The following VPS9D1 variants were observed in gnomAD, a reference collection of about 807,000 sequenced individuals.
VPS9D1 encodes VPS9 domain-containing protein 1.
In VPS9D1, 78 loss-of-function variants were observed where a neutral mutation model predicts 75.8. The observed-to-expected ratio is 1.03, with a 90% CI of 0.86 to 1.24. The LOEUF is 1.24. Among genes scored for constraint, VPS9D1 ranks in the 50% most tolerant of loss-of-function variants. The probability of loss-of-function intolerance (pLI) is 0.00; values close to 1 mark genes in which losing one functional copy is unlikely to be tolerated. For missense variants in VPS9D1, 1,057 were observed against 847.7 expected, an observed-to-expected ratio of 1.25 and a Z score of -3.07; for synonymous variants, 481 against 385.6, an observed-to-expected ratio of 1.25 and a Z score of -2.90.
chr16:89,708,522 A>G lies in VPS9D1; in HGVS notation c.1707T>C (p.Asp569=). 1 of 1,612,930 alleles carries G rather than the reference A, an allele frequency of 6.2e-7. No homozygotes were observed. Among genetic ancestry groups the G allele is most frequent in the Non-Finnish European group, 8.5e-7 (1 of 1,179,830 alleles). ...CGAAGGACAGGATGGGCAGCAGGTC[A>G]TCGGCACCACTGTCGGGAGGGCATA... ...PPIAAAAIGA[D]DLLPILSFVV... The change falls in exon 14 of 15, where the codon GAT becomes GAC. Residue 569 remains aspartate, a synonymous_variant. Coordinates refer to ENST00000389386, the MANE Select transcript of VPS9D1 (RefSeq NM_004913.3).
At chr16:89,712,301 G>C in intron 6 of VPS9D1, 159 bp downstream of exon 6, 2 of 1,336,974 alleles carry the variant, frequency 1.5e-6, no homozygotes, top group Non-Finnish European at 2.0e-6. Flanking sequence ...CGGCGGCCGG[G>C]CCTTCCCCTG....
intron 10 of VPS9D1, 90 bp downstream of exon 10, chr16:89,710,496 A>G (rs2060889881): frequency 1.4e-6 from 2 of 1,407,910 alleles, no homozygotes; most frequent in Non-Finnish European, 9.5e-7. Context: ...TCTCTGATCA[A>G]CAGACCCTTC....
Position 89,716,566 on chromosome 16 carries a change from G to C in VPS9D1, c.327C>G (p.Gly109=). Residue 109 remains glycine, a synonymous_variant, in exon 4 of 15, where the codon GGC becomes GGG. Transcript: ENST00000389386. ...CATCGGAGTATACACGGCGGTGTCG[G>C]CCGGCAGGCTGGGGAATGGGAGCAG... ...PAAAPIPQPA[G]RHRRVYSDEG... 6.2e-7 allele frequency: 1 copy of C among 1,614,010 alleles called. No homozygotes were observed. The highest frequency in any genetic ancestry group is 8.5e-7 in the Non-Finnish European group (1 of 1,179,954).
At position 89,712,528 on chromosome 16, in the gene VPS9D1, G is replaced by T. The variant is rs188589864; in HGVS notation, c.544-6C>A. 5 of 1,612,180 alleles carry T rather than the reference G, an allele frequency of 3.1e-6. No individual in the cohort carries two copies. The highest frequency in any genetic ancestry group is 3.4e-6 in the Non-Finnish European group (4 of 1,179,852). ...TGCCGCTGTAGAGAGAGGGTCTGGGGGGGGAGGAGGGAGTAAGGCCGACTC... is the reference window on the plus strand; with the variant it reads ...TGCCGCTGTAGAGAGAGGGTCTGGGTGGGGAGGAGGGAGTAAGGCCGACTC... On this transcript the variant is annotated splice_polypyrimidine_tract_variant and splice_region_variant and intron_variant, in intron 5 of 14. Transcript: ENST00000389386.
intron 6 of VPS9D1, 143 bp from the exon 7 acceptor site, chr16:89,712,242 A>C: frequency 7.3e-7 from 1 of 1,376,100 alleles, no homozygotes; most frequent in East Asian, 2.5e-5. Context: ...CTGGGGCAGA[A>C]GGCAGCCTGC....
At chr16:89,717,518 T>C (rs1299361859) in intron 2 of VPS9D1, 1 of 455,098 alleles carries the variant, frequency 2.2e-6, no homozygotes, top group Non-Finnish European at 4.4e-6. Context: ...GAGCTGCCTC[T>C]CTGTGACTCG....
In VPS9D1 at chr16:89,709,431, C is replaced by T. The variant is rs187086089; in HGVS notation, c.1393G>A (p.Val465Met). The T allele has an allele frequency of 8.6e-6, 13 of 1,512,654 alleles. No individual in the cohort carries two copies. Among genetic ancestry groups the T allele is most frequent in the East Asian group, 4.5e-5 (2 of 44,084 alleles). The allele number at this position is 1,512,654 out of a possible 1,614,324, so 93.7% of individuals were successfully genotyped here. Reference protein sequence around the residue: ...WPLLLALYRSVHRAREAALSR... With the variant: ...WPLLLALYRSMHRAREAALSR... ...AGGGCAGCCTCCCGGGCTCGGTGCA[C>T]GCTCCTGGGGCAGAGAGAGGCCAGG... Residue 465 changes from valine to methionine, a missense_variant, in exon 12 of 15, where the codon GTG becomes ATG. Coordinates refer to ENST00000389386, the MANE Select transcript of VPS9D1 (RefSeq NM_004913.3).
At chr16:89,716,347 CAG>C in intron 4 of VPS9D1, 113 bp downstream of exon 4, 1 of 1,481,652 alleles carries the variant, frequency 6.7e-7, no homozygotes, top group Non-Finnish European at 9.2e-7. Flanking sequence ...GCCTGGGTGA[CAG>C]AGTGAGACTC....
At position 89,713,932 on chromosome 16, in the gene VPS9D1, GT is replaced by G. The variant is rs565607937; in HGVS notation, c.432-1217del. ...GACTCTGTCTCAAAAAATCACTGAG[GT>G]TTTTTTGCAAAATTTTTTTTTTTGA... is the stretch of plus-strand genomic sequence containing the variant. On this transcript the variant is annotated intron_variant, in intron 4 of 14. Coordinates refer to ENST00000389386, the MANE Select transcript of VPS9D1 (RefSeq NM_004913.3). Among the ~76,000 whole-genome samples, 826 of 151,906 alleles carry G rather than the reference GT, an allele frequency of 5.4e-3. 4 individuals are homozygous for G. Among genetic ancestry groups the G allele is most frequent in the South Asian group, 0.039 (188 of 4,806 alleles).
In VPS9D1 at chr16:89,712,731, A is replaced by G; in HGVS notation, c.432-15T>C. On this transcript the variant is annotated splice_polypyrimidine_tract_variant and intron_variant, in intron 4 of 14. Transcript: ENST00000389386. ...GCGTCAGCTCTCTGGAAATGTGACA[A>G]GCTGCTGTCTAGACCCCAGGAAGCC... The G allele has an allele frequency of 6.4e-7, 1 of 1,571,448 alleles. No homozygotes were observed. Among genetic ancestry groups the G allele is most frequent in the East Asian group, 2.3e-5 (1 of 44,378 alleles).
At chr16:89,718,376 G>A (rs999252739) in intron 2 of VPS9D1, among the ~76,000 whole-genome samples, 11 of 152,060 alleles carry the variant, frequency 7.2e-5, no homozygotes, top group Admixed American at 2.6e-4. Flanking sequence ...ACACCAGAAC[G>A]GCCCCAGTTC....
intron 11 of VPS9D1, 36 bp downstream of exon 11, chr16:89,709,741 T>C (rs375734958): frequency 1.1e-5 from 18 of 1,612,610 alleles, no homozygotes; most frequent in Non-Finnish European, 1.4e-5. Flanking sequence ...TGGAAGACAC[T>C]AGGCCACGCA....
At position 89,709,788 on chromosome 16, in the gene VPS9D1, C is replaced by T. The variant is rs200229370; in HGVS notation, c.1377G>A (p.Leu459=). Residue 459 remains leucine, a synonymous_variant, in exon 11 of 15, where the codon CTG becomes CTA. Coordinates refer to ENST00000389386, the MANE Select transcript of VPS9D1 (RefSeq NM_004913.3). ...PFFSPLWPLL[L]ALYRSVHRAR... Reference sequence around the variant, plus strand: ...AGCTGGGTCCATACCTGTACAGGGCCAGCAGCAGAGGCCACAGCGGGGAGA... The same window carrying T: ...AGCTGGGTCCATACCTGTACAGGGCTAGCAGCAGAGGCCACAGCGGGGAGA... 13 of 1,613,754 alleles carry T rather than the reference C, an allele frequency of 8.1e-6. No individual in the cohort carries two copies. The Admixed American group carries it at 2.2e-4, about 27-fold the overall frequency.
At chr16:89,709,025 G>GGCC in intron 12 of VPS9D1, 69 bp from the exon 13 acceptor site, 3 of 627,188 alleles carry the variant, frequency 4.8e-6, no homozygotes, top group Admixed American at 8.7e-5. Flanking sequence ...CTTATACCCC[G>GGCC]CCCACCCACC....
chr16:89,717,540 A>G (rs1314942790), intron 2 of VPS9D1: 6 of 455,494 alleles, frequency 1.3e-5, no homozygotes, highest in Non-Finnish European at 2.2e-5. Context: ...CCCTGGACCC[A>G]CCGCCCCAGC....
chr16:89,716,352 T>G, intron 4 of VPS9D1, 110 bp downstream of exon 4: 3 of 1,516,198 alleles, frequency 2.0e-6, no homozygotes, highest in Non-Finnish European at 2.7e-6. Context: ...GGTGACAGAG[T>G]GAGACTCTGT....
At chr16:89,715,120 T>C (rs1172189483) in intron 4 of VPS9D1, among the ~76,000 whole-genome samples, 1 of 152,232 alleles carries the variant, frequency 6.6e-6, no homozygotes, top group Non-Finnish European at 1.5e-5. Flanking sequence ...ATGAATTTGC[T>C]CTTCAGCTAT....
chr16:89,712,491 T>C lies in VPS9D1; in HGVS notation c.575A>G (p.Asn192Ser), dbSNP rs748376636. The change falls in exon 6 of 15, where the codon AAC becomes AGC. Residue 192 changes from asparagine to serine, a missense_variant. Asn to Ser is a conservative substitution (Grantham distance 46, BLOSUM62 1). Coordinates refer to ENST00000389386, the MANE Select transcript of VPS9D1 (RefSeq NM_004913.3). ...CTCCCGGGCTTTGGCAATCACTAGG[T>C]TCTCCATCATCTGCCGCTGTAGAGA... ...TLSLQRQMMENLVIAKAREET... is the reference protein window; with the variant it reads ...TLSLQRQMMESLVIAKAREET... 6 of 1,613,272 alleles carry C rather than the reference T, an allele frequency of 3.7e-6. No homozygotes were observed. Among genetic ancestry groups the C allele is most frequent in the Non-Finnish European group, 5.1e-6 (6 of 1,179,968 alleles).
chr16:89,707,733 C>A lies in VPS9D1; in HGVS notation c.*128G>T. ...TGGAGAGCACACCACAGTGGACAAG[C>A]CCCCACCATGTGCAGAGCAGCGTGA... is the stretch of plus-strand genomic sequence containing the variant. On this transcript the variant is annotated 3_prime_UTR_variant, in exon 15 of 15. Transcript: ENST00000389386. 1.3e-6 allele frequency: 1 copy of A among 777,792 alleles called. No homozygotes were observed. The highest frequency in any genetic ancestry group is 2.1e-6 in the Non-Finnish European group (1 of 471,830). The allele number at this position is 777,792 out of a possible 1,614,324, so 48.2% of individuals were successfully genotyped here. A position where few individuals can be genotyped will look rare whatever the true frequency, so the allele number is the denominator to read the frequency against.
Sources: allele counts gnomAD v4.1 joint callset (sites outside exome capture counted in the v4.1 genomes callset), GRCh38; gene constraint gnomAD v4.1.1; transcripts MANE v1.5; gene names NCBI Gene and HGNC (gene_info 2026-07-23, HGNC 2026-07-21).